GPC5: variants seen among roughly 807,000 people sequenced by gnomAD.
The protein encoded by GPC5 is glypican 5.
GPC5 carries 47 observed loss-of-function variants against 53.9 expected under a neutral mutation model. The ratio of observed to expected loss-of-function variants is 0.87; its 90% CI spans 0.69 to 1.11. The LOEUF (loss-of-function observed/expected upper bound fraction) is 1.11. Among genes scored for constraint, GPC5 ranks in the 50% most tolerant of loss-of-function variants. The pLI, the probability that GPC5 is intolerant of heterozygous loss-of-function variation, is 0.00. For missense variants in GPC5, 748 were observed against 713.1 expected (o/e 1.05, Z -0.56); for synonymous variants, 286 against 263.3 (o/e 1.09, Z -0.84).
intron 4 of GPC5, among the ~76,000 whole-genome samples, chr13:91,752,863 T>A (rs1189507595): frequency 6.6e-6 from 1 of 152,166 alleles, no homozygotes; most frequent in African/African-American, 2.4e-5. Flanking sequence ...AAATGTGCAG[T>A]CTTGAGCCCT....
intron 7 of GPC5, among the ~76,000 whole-genome samples, chr13:92,481,295 G>A (rs184051197): frequency 7.2e-5 from 11 of 151,980 alleles, no homozygotes; most frequent in Non-Finnish European, 1.5e-4. Context: ...AGGAACAGGG[G>A]TTTCACCTTG....
At position 91,954,319 on chromosome 13, in the gene GPC5, A is replaced by C. The variant is rs558691673; in HGVS notation, c.1401+46262A>C. 3.1e-3 allele frequency among the ~76,000 whole-genome samples: 468 copies of C among 152,292 alleles called. 3 individuals are homozygous for C. Among genetic ancestry groups the C allele is most frequent in the African/African-American group, 0.011 (449 of 41,556 alleles). ...TAACAGCCCATTTTCTCTATGAATA[A>C]TTACTTCAGATCCTAAACAAAATAT... is the stretch of plus-strand genomic sequence containing the variant. On this transcript the variant is annotated intron_variant, in intron 6 of 7. Coordinates refer to ENST00000377067, the MANE Select transcript of GPC5 (RefSeq NM_004466.6).
intron 6 of GPC5, among the ~76,000 whole-genome samples, chr13:91,999,218 C>G (rs910041115): frequency 2.8e-5 from 4 of 145,204 alleles, no homozygotes; most frequent in Non-Finnish European, 6.0e-5. Context: ...TTTTTTTTTT[C>G]TGTAATGCTA....
intron 7 of GPC5, among the ~76,000 whole-genome samples, chr13:92,228,497 A>G (rs1485078259): frequency 6.6e-6 from 1 of 152,122 alleles, no homozygotes; most frequent in Non-Finnish European, 1.5e-5. Flanking sequence ...AGTTACACGA[A>G]TTATCTAGGA....
At chr13:92,444,715 T>TAAA (rs71910602) in intron 7 of GPC5, among the ~76,000 whole-genome samples, 33 of 84,202 alleles carry the variant, frequency 3.9e-4, no homozygotes, top group Non-Finnish European at 6.2e-4. Context: ...TCCTGAAATC[T>TAAA]AAAAAAAAAA....
intron 7 of GPC5, among the ~76,000 whole-genome samples, chr13:92,170,859 T>C (rs1446373713): frequency 1.3e-5 from 2 of 152,142 alleles, no homozygotes; most frequent in African/African-American, 2.4e-5. Flanking sequence ...TTTTTCTCCA[T>C]TTTCCTTGGA....
intron 7 of GPC5, among the ~76,000 whole-genome samples, chr13:92,647,477 C>G (rs1203074823): frequency 2.0e-5 from 3 of 151,968 alleles, no homozygotes; most frequent in Non-Finnish European, 2.9e-5. Flanking sequence ...AAATACAGCA[C>G]CCTCAGTTGA....
chr13:91,777,321 TG>T, intron 5 of GPC5, among the ~76,000 whole-genome samples: 1 of 152,360 alleles, frequency 6.6e-6, no homozygotes, highest in East Asian at 1.9e-4. Context: ...TAGTAATTGT[TG>T]TATGAAAAAG....
chr13:91,980,194 A>G (rs1051034862), intron 6 of GPC5, among the ~76,000 whole-genome samples: 3 of 152,236 alleles, frequency 2.0e-5, no homozygotes, highest in Non-Finnish European at 4.4e-5. Flanking sequence ...TGTGCATTTA[A>G]AAGTATTGCA....
At chr13:92,086,652 TC>T (rs2041337843) in intron 6 of GPC5, among the ~76,000 whole-genome samples, 1 of 151,892 alleles carries the variant, frequency 6.6e-6, no homozygotes, top group African/African-American at 2.4e-5. Context: ...TCTCTCTCTC[TC>T]TTTTTTTTTT....
intron 1 of GPC5, among the ~76,000 whole-genome samples, chr13:91,448,181 C>T (rs1880931609): frequency 1.3e-5 from 2 of 152,310 alleles, no homozygotes; most frequent in East Asian, 1.9e-4. Flanking sequence ...TGTCTCTCGC[C>T]AGCTATATAG....
intron 7 of GPC5, among the ~76,000 whole-genome samples, chr13:92,398,423 C>G (rs1420832307): frequency 1.4e-5 from 1 of 71,838 alleles, no homozygotes; most frequent in Admixed American, 1.6e-4. Context: ...AGCGAGACTC[C>G]GTCTCAAAAA....
intron 2 of GPC5, among the ~76,000 whole-genome samples, chr13:91,505,795 A>G (rs1038571342): frequency 6.6e-6 from 1 of 152,148 alleles, no homozygotes. Context: ...ATACCACTTT[A>G]ACTGGAAACC....
intron 2 of GPC5, among the ~76,000 whole-genome samples, chr13:91,456,457 T>C (rs1382832706): frequency 6.6e-6 from 1 of 152,060 alleles, no homozygotes; most frequent in Non-Finnish European, 1.5e-5. Flanking sequence ...TGTTTGCTTT[T>C]AAAAGCAATA....
chr13:91,596,115 G>T lies in GPC5; in HGVS notation c.326-97072G>T, dbSNP rs563847544. On this transcript the variant is annotated intron_variant, in intron 2 of 7. Coordinates refer to ENST00000377067, the MANE Select transcript of GPC5 (RefSeq NM_004466.6). Reference sequence around the variant, plus strand: ...ATCATTAGGAATGATCTTTGTAGTTGATAATATCCTTTCTTCTGAAATATT... The same window carrying T: ...ATCATTAGGAATGATCTTTGTAGTTTATAATATCCTTTCTTCTGAAATATT... 2.6e-5 allele frequency among the ~76,000 whole-genome samples: 4 copies of T among 152,176 alleles called. No homozygotes were observed. The East Asian group carries it at 7.7e-4, about 29-fold the overall frequency.
At chr13:91,817,426 G>A (rs1403359619) in intron 5 of GPC5, among the ~76,000 whole-genome samples, 1 of 152,148 alleles carries the variant, frequency 6.6e-6, no homozygotes, top group African/African-American at 2.4e-5. Context: ...AGTCATGTCT[G>A]TAGATGGCAT....
At chr13:92,684,726 A>G (rs1329313092) in intron 7 of GPC5, among the ~76,000 whole-genome samples, 1 of 152,228 alleles carries the variant, frequency 6.6e-6, no homozygotes, top group African/African-American at 2.4e-5. Context: ...TTTGTGGGGC[A>G]TAAGTTTTCA....
intron 7 of GPC5, among the ~76,000 whole-genome samples, chr13:92,677,195 C>T (rs1886972339): frequency 6.6e-6 from 1 of 152,022 alleles, no homozygotes; most frequent in Non-Finnish European, 1.5e-5. Flanking sequence ...TTGCTTAGCC[C>T]TCATATTAAT....
intron 7 of GPC5, among the ~76,000 whole-genome samples, chr13:92,808,373 G>A (rs1877178855): frequency 6.6e-6 from 1 of 152,092 alleles, no homozygotes; most frequent in African/African-American, 2.4e-5. Flanking sequence ...AACATACAAT[G>A]TACCCAAGTA....
Sources: gnomAD v4.1 joint callset for allele counts (sites outside exome capture counted in the v4.1 genomes callset) on GRCh38, gnomAD v4.1.1 for gene constraint, MANE v1.5 for transcripts, NCBI Gene and HGNC (gene_info 2026-07-23, HGNC 2026-07-21) for gene names.